ITGAV: variants seen among roughly 807,000 people sequenced by gnomAD.
ITGAV encodes the protein integrin subunit alpha V.
Under a neutral mutation model 143.8 loss-of-function variants are expected in ITGAV, and 76 were observed. The ratio of observed to expected loss-of-function variants is 0.53; its 90% CI spans 0.44 to 0.64. The LOEUF (loss-of-function observed/expected upper bound fraction) is 0.64, where lower values mean the gene tolerates loss of function less well. Among genes scored for constraint, ITGAV ranks in the 30% least tolerant of loss-of-function variants. The pLI, the probability that ITGAV is intolerant of heterozygous loss-of-function variation, is 0.00. For synonymous variants in ITGAV, 453 were observed against 446.7 expected (o/e 1.01, Z -0.18); for missense variants, 1,193 against 1,274.7 (o/e 0.94, Z 0.98).
chr2:186,660,334 T>G (rs1402520963), intron 18 of ITGAV, among the ~76,000 whole-genome samples: 1 of 152,222 alleles, frequency 6.6e-6, no homozygotes, highest in Non-Finnish European at 1.5e-5. Flanking sequence ...ACTTCCTTTT[T>G]TTCCCACCTA....
At chr2:186,640,788 G>T in intron 10 of ITGAV, 127 bp from the exon 11 acceptor site, 1 of 685,068 alleles carries the variant, frequency 1.5e-6, no homozygotes. Context: ...CAAAAGACAA[G>T]ACATTTAGAT....
intron 19 of ITGAV, among the ~76,000 whole-genome samples, chr2:186,664,288 A>G (rs945825173): frequency 5.5e-4 from 83 of 152,166 alleles, no homozygotes; most frequent in African/African-American, 1.7e-3. Context: ...AGTGGCATCA[A>G]TGTTTATTTT....
At chr2:186,630,466 T>C (rs1202602297) in intron 4 of ITGAV, among the ~76,000 whole-genome samples, 2 of 152,196 alleles carry the variant, frequency 1.3e-5, no homozygotes, top group East Asian at 3.9e-4. Context: ...ATATATTTTA[T>C]ACACACAATG....
rs576454349 is a variant in ITGAV, at chr2:186,621,735, A to G, written c.317-604A>G. 9.8e-5 allele frequency among the ~76,000 whole-genome samples: 15 copies of G among 152,312 alleles called. 1 individual carries two copies. The highest frequency in any genetic ancestry group is 3.4e-3 in the Middle Eastern group (1 of 294). On this transcript the variant is annotated intron_variant, in intron 2 of 29. Coordinates refer to ENST00000261023, the MANE Select transcript of ITGAV (RefSeq NM_002210.5). ...ATATAGTGATGTTCGATCTATCCCA[A>G]TGCATCATTTTGTTTTTGACACTGG...
At chr2:186,668,451 C>A in intron 24 of ITGAV, 1 of 276,550 alleles carries the variant, frequency 3.6e-6, no homozygotes, top group Non-Finnish European at 6.8e-6. Flanking sequence ...GTTGGCCAGG[C>A]TGGACATGAA....
chr2:186,643,792 G>A (rs1320681739), intron 12 of ITGAV, among the ~76,000 whole-genome samples: 2 of 152,130 alleles, frequency 1.3e-5, no homozygotes, highest in African/African-American at 4.8e-5. Flanking sequence ...GAATGTGTAG[G>A]ATTTTCCAGA....
chr2:186,636,391 T>C (rs969659547), intron 7 of ITGAV, among the ~76,000 whole-genome samples, 184 bp downstream of exon 7: 2 of 152,222 alleles, frequency 1.3e-5, no homozygotes, highest in Admixed American at 6.5e-5. Context: ...GTAATTGAAA[T>C]TGAAGACAGT....
Position 186,664,650 on chromosome 2 carries a change from G to C in ITGAV, c.2073+9G>C, listed in dbSNP as rs747434364. 5 of 1,613,894 alleles carry C rather than the reference G, an allele frequency of 3.1e-6. No homozygotes were observed. The South Asian group carries it at 5.5e-5, about 18-fold the overall frequency. Reference sequence around the variant, plus strand: ...TTGTCCGAAACAATGAAGTAAGCAGGCTGCCTCTTTAAAAATTGAAATGCA... The same window carrying C: ...TTGTCCGAAACAATGAAGTAAGCAGCCTGCCTCTTTAAAAATTGAAATGCA... On this transcript the variant is annotated intron_variant, in intron 20 of 29. Coordinates refer to ENST00000261023, the MANE Select transcript of ITGAV (RefSeq NM_002210.5).
intron 4 of ITGAV, among the ~76,000 whole-genome samples, chr2:186,629,975 A>T (rs998021858): frequency 7.2e-5 from 11 of 152,118 alleles, no homozygotes; most frequent in African/African-American, 2.7e-4. Context: ...GAACAACTAA[A>T]AAGGGAACAA....
At position 186,625,547 on chromosome 2, in the gene ITGAV, A is replaced by G. The variant is rs201809110; in HGVS notation, c.483A>G (p.Gln161=). The G allele has an allele frequency of 2.9e-4, 475 of 1,613,974 alleles. 5 individuals carry two copies. The South Asian group carries it at 4.9e-3, about 17-fold the overall frequency. ...EREPVGTCFL[Q]DGTKTVEYAP... is the part of the protein sequence containing the mutation. ...AGCCTGTTGGAACATGCTTTCTTCAAGATGGAACAAAGACTGTTGAGTATG... is the reference window on the plus strand; with the variant it reads ...AGCCTGTTGGAACATGCTTTCTTCAGGATGGAACAAAGACTGTTGAGTATG... Residue 161 remains glutamine, a synonymous_variant, in exon 4 of 30, where the codon CAA becomes CAG. Transcript: ENST00000261023.
Position 186,663,732 on chromosome 2 carries a change from A to G in ITGAV, c.1858-36A>G, listed in dbSNP as rs766681358. On this transcript the variant is annotated intron_variant, in intron 18 of 29. Coordinates refer to ENST00000261023, the MANE Select transcript of ITGAV (RefSeq NM_002210.5). ...CACTGCTTATGCCACCTGCATTGGT[A>G]TTTTTCATGTAGAAAAATAAAATGT... 2.0e-6 allele frequency: 3 copies of G among 1,499,534 alleles called. No homozygotes were observed. In the East Asian group the frequency reaches 6.8e-5, roughly 34 times the overall value. 92.9% of individuals were successfully genotyped at this position (1,499,534 alleles called of 1,614,324 possible). A position where few individuals can be genotyped will look rare whatever the true frequency, so the allele number is the denominator to read the frequency against.
At chr2:186,650,069 A>G (rs932298495) in intron 14 of ITGAV, among the ~76,000 whole-genome samples, 184 bp downstream of exon 14, 4 of 152,282 alleles carry the variant, frequency 2.6e-5, no homozygotes, top group Admixed American at 2.0e-4. Flanking sequence ...AATTGTACAT[A>G]TTTATGGGGT....
At chr2:186,663,740 T>C (rs200821894) in intron 18 of ITGAV, 28 bp from the exon 19 acceptor site, 27 of 1,540,610 alleles carry the variant, frequency 1.8e-5, no homozygotes, top group Non-Finnish European at 2.2e-5. Context: ...GTATTTTTCA[T>C]GTAGAAAAAT....
intron 1 of ITGAV, among the ~76,000 whole-genome samples, chr2:186,591,765 A>G (rs1686622414): frequency 6.6e-6 from 1 of 152,018 alleles, no homozygotes; most frequent in Non-Finnish European, 1.5e-5. Flanking sequence ...AGATGCAGTT[A>G]ATGGAAACTT....
intron 2 of ITGAV, among the ~76,000 whole-genome samples, chr2:186,615,424 A>G (rs1687325519): frequency 6.6e-6 from 1 of 152,120 alleles, no homozygotes; most frequent in Non-Finnish European, 1.5e-5. Context: ...TCTATTAGTA[A>G]TGTATGAGGG....
chr2:186,605,451 A>G (rs1185037212), intron 2 of ITGAV, among the ~76,000 whole-genome samples: 3 of 152,094 alleles, frequency 2.0e-5, no homozygotes, highest in Non-Finnish European at 4.4e-5. Context: ...TTAAAATTCC[A>G]ACTCCCTCTT....
At chr2:186,590,698 C>T (rs1686592713) in intron 1 of ITGAV, among the ~76,000 whole-genome samples, 175 bp downstream of exon 1, 1 of 152,184 alleles carries the variant, frequency 6.6e-6, no homozygotes, top group Admixed American at 6.5e-5. Context: ...GAAATGAACT[C>T]CCTTTGGTAC....
rs145689619 is a variant in ITGAV, at chr2:186,594,536, C to T, written c.185+4013C>T. Among the ~76,000 whole-genome samples the T allele has an allele frequency of 2.9e-3, 449 of 152,274 alleles. 2 individuals carry two copies. Among genetic ancestry groups the T allele is most frequent in the African/African-American group, 0.01 (432 of 41,566 alleles). ...CTCAGGTCCTCCCCCATCCCTCTGCCCATCATTTGGCTCTTAAACGTGCAG... is the reference window on the plus strand; with the variant it reads ...CTCAGGTCCTCCCCCATCCCTCTGCTCATCATTTGGCTCTTAAACGTGCAG... On this transcript the variant is annotated intron_variant, in intron 1 of 29. Transcript: ENST00000261023.
chr2:186,612,801 G>C (rs114792813), intron 2 of ITGAV, among the ~76,000 whole-genome samples: 1,531 of 152,182 alleles, frequency 0.01, 28 homozygotes, highest in African/African-American at 0.035. Context: ...TATCTCTACA[G>C]TTGCAACTGT....
Sources: gnomAD v4.1 joint callset for allele counts (sites outside exome capture counted in the v4.1 genomes callset) on GRCh38, gnomAD v4.1.1 for gene constraint, MANE v1.5 for transcripts, NCBI Gene and HGNC (gene_info 2026-07-23, HGNC 2026-07-21) for gene names.